Variants in MTMR9 observed in about 807,000 individuals in gnomAD.
The protein encoded by MTMR9 is myotubularin related protein 9.
A neutral mutation model predicts 69.5 loss-of-function variants in MTMR9; 39 were observed. The ratio of observed to expected loss-of-function variants is 0.56; its 90% confidence interval spans 0.43 to 0.73. MTMR9 has a LOEUF of 0.73. MTMR9 is among the 30% of genes least tolerant of loss of function. The pLI, the probability that MTMR9 is intolerant of heterozygous loss-of-function variation, is 0.00. For synonymous variants in MTMR9, 354 were observed against 240.8 expected (o/e 1.47, Z -4.35); for missense variants, 900 against 671.2 (o/e 1.34, Z -3.77).
At chr8:11,329,432 G>T (rs1462637705), downstream of MTMR9, among the ~76,000 whole-genome samples, 2 of 152,216 alleles carry the variant, frequency 1.3e-5, no homozygotes, top group East Asian at 3.9e-4. Context: ...TCCTGCCTCA[G>T]CCTGCCGAGT....
At chr8:11,334,608 G>C in the MTMR9 span, among the ~76,000 whole-genome samples, 2 of 152,062 alleles carry the variant, frequency 1.3e-5, no homozygotes, top group East Asian at 3.9e-4. Flanking sequence ...AAAATGGGGG[G>C]CAAGAAAGTA....
At chr8:11,308,479 A>G (rs1337670957) in intron 5 of MTMR9, among the ~76,000 whole-genome samples, 1 of 152,204 alleles carries the variant, frequency 6.6e-6, no homozygotes, top group Admixed American at 6.5e-5. Flanking sequence ...TGAGGCCATC[A>G]GGACCAGGGC....
chr8:11,330,707 A>G (rs997437195), downstream of MTMR9, among the ~76,000 whole-genome samples: 13 of 152,186 alleles, frequency 8.5e-5, no homozygotes, highest in African/African-American at 1.9e-4. Context: ...TTAAACAGAT[A>G]CTTGAAGACA....
the MTMR9 span, among the ~76,000 whole-genome samples, chr8:11,335,373 T>G: frequency 6.6e-6 from 1 of 152,106 alleles, no homozygotes; most frequent in African/African-American, 2.4e-5. Flanking sequence ...ATATACAAAA[T>G]CTACATGAAG....
Position 11,324,529 on chromosome 8 carries a change from GGAAAC to G in MTMR9, c.*1742_*1746del, listed in dbSNP as rs1800836691. ...TTTGTTAAAAAAAAAAAAAAAAAAA[GGAAAC>G]AGCCTCACTTTTTTGTGCTCCCTCA... is the stretch of plus-strand genomic sequence containing the variant. On this transcript the variant is annotated 3_prime_UTR_variant, in exon 10 of 10. Coordinates refer to ENST00000221086, the MANE Select transcript of MTMR9 (RefSeq NM_015458.4). 1 of 146,484 alleles carries G rather than the reference GGAAAC, an allele frequency of 6.8e-6. No individual in the cohort carries two copies. Among genetic ancestry groups the G allele is most frequent in the Admixed American group, 6.9e-5 (1 of 14,546 alleles). The allele number at this position is 146,484 out of a possible 1,614,324, so 9.1% of individuals were successfully genotyped here.
rs1800879803 is a variant in MTMR9 at position 11,325,300 on chromosome 8, T to G, written c.*2512T>G. 1 of 152,216 alleles carries G rather than the reference T, an allele frequency of 6.6e-6. No individual in the cohort carries two copies. Among genetic ancestry groups the G allele is most frequent in the Non-Finnish European group, 1.5e-5 (1 of 68,044 alleles). 9.4% of individuals were successfully genotyped at this position (152,216 alleles called of 1,614,324 possible). A position where few individuals can be genotyped will look rare whatever the true frequency, so the allele number is the denominator to read the frequency against. ...TTGAAGAAGATTTTTAGTAGTACTG[T>G]GAAGTTCGTGCTTACCTGGATGAGA... On this transcript the variant is annotated 3_prime_UTR_variant, in exon 10 of 10. Coordinates refer to ENST00000221086, the MANE Select transcript of MTMR9 (RefSeq NM_015458.4).
At chr8:11,321,463 T>C (rs906627655) in intron 9 of MTMR9, 4 of 456,452 alleles carry the variant, frequency 8.8e-6, no homozygotes, top group African/African-American at 6.0e-5. Context: ...CTGGGTGGCC[T>C]GAAGGATGAT....
chr8:11,311,230 G>A (rs942415553), intron 6 of MTMR9, among the ~76,000 whole-genome samples: 1 of 152,030 alleles, frequency 6.6e-6, no homozygotes, highest in African/African-American at 2.4e-5. Flanking sequence ...GTGACTTCAG[G>A]GAATCTGTTA....
At position 11,285,551 on chromosome 8, in the gene MTMR9, A is replaced by G. The variant is rs942504327; in HGVS notation, c.182+481A>G. On this transcript the variant is annotated intron_variant, in intron 1 of 9. Transcript: ENST00000221086. ...TTCTGAAAAATGTTCAGTGTATCATATTATTTCTTACCTTCTGGGTCATCA... is the reference window on the plus strand; with the variant it reads ...TTCTGAAAAATGTTCAGTGTATCATGTTATTTCTTACCTTCTGGGTCATCA... 5.3e-5 allele frequency among the ~76,000 whole-genome samples: 8 copies of G among 152,178 alleles called. No homozygotes were observed. In the East Asian group the frequency reaches 1.5e-3, roughly 29 times the overall value.
intron 2 of MTMR9, chr8:11,298,828 T>C: frequency 1.0e-6 from 1 of 984,316 alleles, no homozygotes; most frequent in Non-Finnish European, 1.2e-6. Flanking sequence ...TCCTCCCATC[T>C]ACTCAGGTTT....
chr8:11,332,145 G>T (rs754810332), downstream of MTMR9: 1 of 1,611,360 alleles, frequency 6.2e-7, no homozygotes, highest in Non-Finnish European at 8.5e-7. Context: ...GGAGCCCGGG[G>T]GTTGGGAGGG....
chr8:11,293,036 C>T (rs1799422603), intron 1 of MTMR9, among the ~76,000 whole-genome samples: 1 of 152,178 alleles, frequency 6.6e-6, no homozygotes, highest in East Asian at 1.9e-4. Flanking sequence ...CAGCCTCAGG[C>T]AAGTCCTTCA....
At chr8:11,338,703 C>G in the MTMR9 span, among the ~76,000 whole-genome samples, 47 of 152,284 alleles carry the variant, frequency 3.1e-4, no homozygotes, top group African/African-American at 1.1e-3. Flanking sequence ...AGGCTGACGT[C>G]AGCTGGCACG....
At chr8:11,299,255 G>C (rs186482056) in intron 2 of MTMR9, among the ~76,000 whole-genome samples, 1 of 152,136 alleles carries the variant, frequency 6.6e-6, no homozygotes, top group Non-Finnish European at 1.5e-5. Context: ...ACTTGAACCC[G>C]GGAGGCGGAG....
chr8:11,289,567 A>G (rs1799306840), intron 1 of MTMR9, among the ~76,000 whole-genome samples: 1 of 152,090 alleles, frequency 6.6e-6, no homozygotes, highest in South Asian at 2.1e-4. Context: ...GATTCCTTAA[A>G]AGGTTTCCTC....
At chr8:11,288,345 T>TA (rs1491157127) in intron 1 of MTMR9, among the ~76,000 whole-genome samples, 4 of 140,174 alleles carry the variant, frequency 2.9e-5, no homozygotes, top group African/African-American at 7.9e-5. Context: ...ATATAATATA[T>TA]TTATATATAT....
chr8:11,304,706 A>G, intron 3 of MTMR9, 135 bp from the exon 4 acceptor site: 2 of 825,570 alleles, frequency 2.4e-6, no homozygotes, highest in Non-Finnish European at 3.9e-6. Flanking sequence ...TATAAGCTAG[A>G]GATCCACCTG....
chr8:11,292,213 C>T (rs1414853247), intron 1 of MTMR9, among the ~76,000 whole-genome samples: 1 of 151,988 alleles, frequency 6.6e-6, no homozygotes, highest in Admixed American at 6.6e-5. Context: ...TGCAGTATTC[C>T]ATAGTTCATT....
chr8:11,305,945 G>C (rs1383008833), intron 4 of MTMR9, among the ~76,000 whole-genome samples: 2 of 152,152 alleles, frequency 1.3e-5, no homozygotes, highest in Non-Finnish European at 2.9e-5. Context: ...ATCTTAAAGA[G>C]GAGATATAAT....
Sources: gnomAD v4.1 joint callset for allele counts (sites outside exome capture counted in the v4.1 genomes callset) on GRCh38, gnomAD v4.1.1 for gene constraint, MANE v1.5 for transcripts, NCBI Gene and HGNC (gene_info 2026-07-23, HGNC 2026-07-21) for gene names.